CNOT1: variants seen among roughly 807,000 people sequenced by gnomAD.
CNOT1 encodes the protein CCR4-NOT transcription complex subunit 1.
A neutral mutation model predicts 273.8 loss-of-function variants in CNOT1; 15 were observed. That is an observed-to-expected ratio of 0.05 (90% CI 0.04 to 0.08). The LOEUF is 0.08. Ranked by LOEUF, CNOT1 falls within the 10% of genes least tolerant of loss-of-function variation. CNOT1 has a pLI of 1.00. For synonymous variants in CNOT1, 1,022 were observed against 1,005.5 expected (o/e 1.02, Z -0.31); for missense variants, 1,644 against 2,912.2 (o/e 0.56, Z 10.02).
At chr16:58,532,427 C>G (rs913082363) in intron 40 of CNOT1, 32 bp from the exon 41 acceptor site, 2 of 1,602,166 alleles carry the variant, frequency 1.2e-6, no homozygotes, top group African/African-American at 2.7e-5. Context: ...GCTTGTAAAT[C>G]ATTCAGATAA....
chr16:58,610,545 A>C (rs183245548), intron 1 of CNOT1, among the ~76,000 whole-genome samples: 1 of 152,220 alleles, frequency 6.6e-6, no homozygotes, highest in Non-Finnish European at 1.5e-5. Flanking sequence ...CTCTACTAAA[A>C]ATACAAAAAA....
Position 58,614,685 on chromosome 16 carries a change from A to T in CNOT1, c.-175+15043T>A, listed in dbSNP as rs2043014878. Among the ~76,000 whole-genome samples, 2 of 124,944 alleles carry T rather than the reference A, an allele frequency of 1.6e-5. 1 individual carries two copies. The highest frequency in any genetic ancestry group is 3.8e-5 in the Non-Finnish European group (2 of 52,472). The allele number at this position is 124,944 out of a possible 152,430, so 82.0% of individuals were successfully genotyped here. The stretch of plus-strand genomic sequence containing the variant: ...TCCCCTTGCTGATTTTGCTTTGTAT[A>T]CTTTGCTATAGAAAAACACTTTTTA... On this transcript the variant is annotated intron_variant, in intron 1 of 48. Transcript: ENST00000317147.
chr16:58,604,587 G>C (rs1440668140), intron 1 of CNOT1, among the ~76,000 whole-genome samples: 2 of 141,778 alleles, frequency 1.4e-5, no homozygotes, highest in East Asian at 4.1e-4. Context: ...TTGGAGACCA[G>C]CCTGACCAAC....
Position 58,587,337 on chromosome 16 carries a change from T to A in CNOT1, c.378+8A>T, listed in dbSNP as rs2041908759. On this transcript the variant is annotated splice_region_variant and intron_variant, in intron 5 of 48. Coordinates refer to ENST00000317147, the MANE Select transcript of CNOT1 (RefSeq NM_016284.5). ...TTTTGTCTACATCTCTTTTCATAAA[T>A]CACTCACCTCTTGTACTTTGCTTAA... is the stretch of plus-strand genomic sequence containing the variant. The A allele has an allele frequency of 6.2e-7, 1 of 1,614,028 alleles. No homozygotes were observed. Among genetic ancestry groups the A allele is most frequent in the Non-Finnish European group, 8.5e-7 (1 of 1,179,968 alleles).
intron 13 of CNOT1, among the ~76,000 whole-genome samples, chr16:58,577,268 T>C (rs745564460): frequency 2.0e-5 from 3 of 152,192 alleles, no homozygotes; most frequent in Non-Finnish European, 4.4e-5. Flanking sequence ...CTAGAACAAG[T>C]ATTCAATCAC....
chr16:58,621,834 C>T (rs1274161518), intron 1 of CNOT1, among the ~76,000 whole-genome samples: 3 of 147,798 alleles, frequency 2.0e-5, no homozygotes, highest in Non-Finnish European at 4.5e-5. Flanking sequence ...TGGCATGAAC[C>T]CGGGAGGCGG....
rs1037557295 is a variant in CNOT1 at position 58,530,297 on chromosome 16, C to T, written c.6228G>A (p.Ala2076=). ...TGAGTTCCACATTTCTAAGGAAAGG[C>T]GCTAAATATTTGAATAAATCAATCA... ...QLLIDLFKYL[A]PFLRNVELTK... is the part of the protein sequence containing the mutation. Residue 2076 remains alanine, a synonymous_variant, in exon 43 of 49, where the codon GCG becomes GCA. Coordinates refer to ENST00000317147, the MANE Select transcript of CNOT1 (RefSeq NM_016284.5). The T allele has an allele frequency of 6.2e-6, 10 of 1,611,760 alleles. No homozygotes were observed. The highest frequency in any genetic ancestry group is 5.9e-6 in the Non-Finnish European group (7 of 1,178,452).
intron 30 of CNOT1, among the ~76,000 whole-genome samples, chr16:58,544,424 T>C (rs1440560622): frequency 6.7e-6 from 1 of 149,006 alleles, no homozygotes; most frequent in Non-Finnish European, 1.5e-5. Context: ...CAAAACTTAC[T>C]TGGTCCCTTT....
At chr16:58,602,566 A>AAAC (rs1555501302) in intron 1 of CNOT1, among the ~76,000 whole-genome samples, 7 of 148,048 alleles carry the variant, frequency 4.7e-5, no homozygotes, top group South Asian at 2.1e-4. Flanking sequence ...AAAAAAAAAA[A>AAAC]AAAAAAAAAA....
At chr16:58,525,071 A>G in intron 46 of CNOT1, 108 bp downstream of exon 46, 1 of 1,011,156 alleles carries the variant, frequency 9.9e-7, no homozygotes, top group Non-Finnish European at 1.5e-6. Context: ...ATATACTGAC[A>G]GAACATTCCT....
chr16:58,606,037 G>C (rs192350228), intron 1 of CNOT1, among the ~76,000 whole-genome samples: 14 of 152,192 alleles, frequency 9.2e-5, no homozygotes, highest in Admixed American at 6.6e-4. Context: ...ACTGACATTT[G>C]ACAATAATAT....
At chr16:58,556,684 G>A (rs573114864) in intron 19 of CNOT1, among the ~76,000 whole-genome samples, 163 bp downstream of exon 19, 2 of 152,296 alleles carry the variant, frequency 1.3e-5, no homozygotes, top group South Asian at 4.1e-4. Flanking sequence ...ACTTTGTTCT[G>A]GGAAGGAGTG....
At chr16:58,528,449 T>A (rs778089070) in intron 44 of CNOT1, 26 bp downstream of exon 44, 1 of 1,566,730 alleles carries the variant, frequency 6.4e-7, no homozygotes, top group Non-Finnish European at 8.8e-7. Flanking sequence ...AGACATAAGT[T>A]TTCCTTTAAC....
At chr16:58,546,843 G>A in intron 27 of CNOT1, 94 bp from the exon 28 acceptor site, 1 of 1,454,122 alleles carries the variant, frequency 6.9e-7, no homozygotes, top group Non-Finnish European at 9.4e-7. Context: ...GGGTAGGGGG[G>A]AGTCAAACAA....
chr16:58,552,476 T>C (rs185979342), intron 22 of CNOT1, among the ~76,000 whole-genome samples: 1 of 152,262 alleles, frequency 6.6e-6, no homozygotes, highest in East Asian at 1.9e-4. Flanking sequence ...CTTGCTACAG[T>C]GGGTGCTAGG....
At chr16:58,571,096 A>AAAAAC (rs149820819) in intron 16 of CNOT1, among the ~76,000 whole-genome samples, 2 of 151,698 alleles carry the variant, frequency 1.3e-5, no homozygotes, top group Non-Finnish European at 2.9e-5. Context: ...ATAGCTTGAG[A>AAAAAC]AAAACAAAAC....
chr16:58,607,645 G>T (rs2042725626), intron 1 of CNOT1, among the ~76,000 whole-genome samples: 1 of 143,472 alleles, frequency 7.0e-6, no homozygotes, highest in Non-Finnish European at 1.5e-5. Flanking sequence ...AAAATCACTT[G>T]AATCCAGGAG....
Position 58,556,725 on chromosome 16 carries a change from T to C in CNOT1, c.2479+122A>G. 3.5e-6 allele frequency: 5 copies of C among 1,412,224 alleles called. No homozygotes were observed. In the Middle Eastern group the frequency reaches 6.8e-4, roughly 191 times the overall value. 87.5% of individuals were successfully genotyped at this position (1,412,224 alleles called of 1,614,324 possible). On this transcript the variant is annotated intron_variant, in intron 19 of 48. Coordinates refer to ENST00000317147, the MANE Select transcript of CNOT1 (RefSeq NM_016284.5). ...TCTAACTTTTAATAATTCAAATTTG[T>C]GAATTTATTCCCATTGGTCTAGGAG...
intron 35 of CNOT1, among the ~76,000 whole-genome samples, chr16:58,539,466 TACACACAC>T (rs55998166): frequency 2.7e-5 from 4 of 145,674 alleles, no homozygotes; most frequent in South Asian, 2.4e-4. Flanking sequence ...CCCTGTCTCT[TACACACAC>T]ACACACACAC....
Sources: gnomAD v4.1 joint callset for allele counts (sites outside exome capture counted in the v4.1 genomes callset) on GRCh38, gnomAD v4.1.1 for gene constraint, MANE v1.5 for transcripts, NCBI Gene and HGNC (gene_info 2026-07-23, HGNC 2026-07-21) for gene names.